The following SLC6A11 variants were observed in gnomAD, a reference collection of about 807,000 sequenced individuals.
The protein encoded by SLC6A11 is solute carrier family 6 member 11.
SLC6A11 carries 25 observed loss-of-function variants against 74.8 expected under a neutral mutation model. That is an observed-to-expected ratio of 0.33 (90% confidence interval 0.24 to 0.47). The LOEUF (loss-of-function observed/expected upper bound fraction) is 0.47, where lower values mean the gene tolerates loss of function less well. SLC6A11 is among the 20% of genes least tolerant of loss of function. The pLI is 1.00. For synonymous variants in SLC6A11, 330 were observed against 330.2 expected (o/e 1.00, Z 0.01); for missense variants, 574 against 837.0 (o/e 0.69, Z 3.88).
chr3:10,921,373 T>C (rs2106630958), intron 8 of SLC6A11, among the ~76,000 whole-genome samples: 1 of 152,322 alleles, frequency 6.6e-6, no homozygotes, highest in Non-Finnish European at 1.5e-5. Context: ...AAGTGGGAAG[T>C]GTCAGATGTG....
chr3:10,930,464 T>C (rs984567479), intron 10 of SLC6A11, among the ~76,000 whole-genome samples: 1 of 152,130 alleles, frequency 6.6e-6, no homozygotes, highest in Non-Finnish European at 1.5e-5. Flanking sequence ...CGCCCAGTCA[T>C]TGTCACATTA....
intron 4 of SLC6A11, among the ~76,000 whole-genome samples, chr3:10,834,352 G>GT (rs138938564): frequency 0.042 from 6,172 of 145,420 alleles, 135 homozygotes; most frequent in East Asian, 0.12. Flanking sequence ...TTTTTTTTTT[G>GT]TTTTTTTTTT....
intron 6 of SLC6A11, among the ~76,000 whole-genome samples, chr3:10,890,974 C>A (rs1017609234): frequency 2.0e-5 from 3 of 152,218 alleles, no homozygotes; most frequent in Non-Finnish European, 4.4e-5. Context: ...TCATGGTGAG[C>A]TGAGGGGTAG....
chr3:10,885,096 C>T (rs967193611), intron 6 of SLC6A11, among the ~76,000 whole-genome samples: 20 of 152,318 alleles, frequency 1.3e-4, no homozygotes, highest in South Asian at 1.2e-3. Flanking sequence ...ACATGGCAGA[C>T]CAAGGGAGCT....
chr3:10,819,143 T>TA (rs1694102553), intron 1 of SLC6A11, among the ~76,000 whole-genome samples: 1 of 152,200 alleles, frequency 6.6e-6, no homozygotes, highest in South Asian at 2.1e-4. Flanking sequence ...GGATGAAATG[T>TA]AAAAAATTTT....
intron 4 of SLC6A11, among the ~76,000 whole-genome samples, chr3:10,831,770 G>C (rs985691701): frequency 1.3e-5 from 2 of 152,240 alleles, no homozygotes; most frequent in Non-Finnish European, 2.9e-5. Context: ...GAACCCTCCT[G>C]TTTGTGTAAC....
intron 4 of SLC6A11, among the ~76,000 whole-genome samples, chr3:10,831,173 A>C (rs1407055823): frequency 1.3e-5 from 2 of 152,148 alleles, no homozygotes; most frequent in Non-Finnish European, 2.9e-5. Flanking sequence ...AATCTGCCTG[A>C]ACTCTCAAGT....
intron 8 of SLC6A11, among the ~76,000 whole-genome samples, chr3:10,919,502 A>G (rs1378854572): frequency 6.6e-6 from 1 of 152,106 alleles, no homozygotes; most frequent in Middle Eastern, 3.2e-3. Context: ...GGGTGTGGCT[A>G]TTTAGGTTTG....
chr3:10,817,625 G>A (rs569350721), intron 1 of SLC6A11, among the ~76,000 whole-genome samples: 1 of 152,362 alleles, frequency 6.6e-6, no homozygotes, highest in East Asian at 1.9e-4. Context: ...TGGCTCAGAA[G>A]TTGGCTGGCA....
intron 9 of SLC6A11, among the ~76,000 whole-genome samples, chr3:10,928,437 C>A (rs1434957126): frequency 6.6e-6 from 1 of 152,136 alleles, no homozygotes; most frequent in Non-Finnish European, 1.5e-5. Context: ...TGCAGATCTG[C>A]CCCCAGTGCC....
At chr3:10,919,742 T>A (rs1695511252) in intron 8 of SLC6A11, among the ~76,000 whole-genome samples, 1 of 152,214 alleles carries the variant, frequency 6.6e-6, no homozygotes, top group South Asian at 2.1e-4. Flanking sequence ...GGGCACCTAT[T>A]CACTGGACAG....
chr3:10,828,764 C>A (rs1471226305), intron 4 of SLC6A11, among the ~76,000 whole-genome samples: 1 of 152,210 alleles, frequency 6.6e-6, no homozygotes, highest in Non-Finnish European at 1.5e-5. Flanking sequence ...ACACCCCAGT[C>A]CCTCTCAACC....
rs939641073 is a variant in SLC6A11, at chr3:10,918,104, C to T, written c.996-225C>T. Among the ~76,000 whole-genome samples, 3 of 152,288 alleles carry T rather than the reference C, an allele frequency of 2.0e-5. No homozygotes were observed. Among genetic ancestry groups the T allele is most frequent in the African/African-American group, 4.8e-5 (2 of 41,550 alleles). On this transcript the variant is annotated intron_variant, in intron 7 of 13. Coordinates refer to ENST00000254488, the MANE Select transcript of SLC6A11 (RefSeq NM_014229.3). This position sits in a 1 kb window ranked among gnomAD's most constrained non-coding sequence, Gnocchi z 4.5. ...CCATGCTGGCTCTATGCTTCTGATT[C>T]GTGACCTACCTTACCTTCTAGAAAT...
intron 13 of SLC6A11, 22 bp from the exon 14 acceptor site, chr3:10,938,228 C>A (rs898265625): frequency 1.9e-6 from 3 of 1,573,802 alleles, no homozygotes; most frequent in Non-Finnish European, 2.6e-6. Flanking sequence ...CTCAGATCTT[C>A]CCCTCCTCTC....
At chr3:10,843,634 G>A (rs980395115) in intron 4 of SLC6A11, among the ~76,000 whole-genome samples, 8 of 152,168 alleles carry the variant, frequency 5.3e-5, no homozygotes, top group African/African-American at 1.9e-4. Context: ...TTTATTTCCT[G>A]CTCAGACTGT....
rs761049580 is a variant in SLC6A11 at position 10,816,565 on chromosome 3, G to A, written c.256+44G>A. 4 of 1,512,816 alleles carry A rather than the reference G, an allele frequency of 2.6e-6. No homozygotes were observed. Among genetic ancestry groups the A allele is most frequent in the Non-Finnish European group, 2.7e-6 (3 of 1,127,506 alleles). 93.7% of individuals were successfully genotyped at this position (1,512,816 alleles called of 1,614,324 possible). A position where few individuals can be genotyped will look rare whatever the true frequency, so the allele number is the denominator to read the frequency against. On this transcript the variant is annotated intron_variant, in intron 1 of 13. Transcript: ENST00000254488. This position sits in a 1 kb window ranked among gnomAD's most constrained non-coding sequence, Gnocchi z 4.2. ...GAAGGGGAGGGGGCGCCAACCGCCC[G>A]GTGGGGGCGGGGAGCCAGGGGCGAG...
intron 12 of SLC6A11, 87 bp downstream of exon 12, chr3:10,934,253 G>C (rs552199224): frequency 7.8e-6 from 7 of 901,586 alleles, no homozygotes; most frequent in South Asian, 1.4e-5. Context: ...CCCCCACCCT[G>C]GCCGAGGCTG....
chr3:10,915,472 T>G lies in SLC6A11; in HGVS notation c.996-2857T>G, dbSNP rs1303018015. Among the ~76,000 whole-genome samples, 4 of 152,194 alleles carry G rather than the reference T, an allele frequency of 2.6e-5. No homozygotes were observed. Among genetic ancestry groups the G allele is most frequent in the African/African-American group, 9.7e-5 (4 of 41,440 alleles). ...ACTCCAGTGGAGTAAATTAGTACCCTCTCTCCTGACAGCATAATAGCTTCT... is the reference window on the plus strand; with the variant it reads ...ACTCCAGTGGAGTAAATTAGTACCCGCTCTCCTGACAGCATAATAGCTTCT... On this transcript the variant is annotated intron_variant, in intron 7 of 13. Transcript: ENST00000254488. This position sits in a 1 kb window ranked among gnomAD's most constrained non-coding sequence, Gnocchi z 4.3.
intron 4 of SLC6A11, among the ~76,000 whole-genome samples, chr3:10,829,910 G>A (rs142174691): frequency 2.0e-5 from 3 of 152,236 alleles, no homozygotes; most frequent in African/African-American, 7.2e-5. Context: ...CTTTCTTAGT[G>A]CATTTTTTTC....
Sources: gnomAD v4.1 joint callset for allele counts (sites outside exome capture counted in the v4.1 genomes callset) on GRCh38, gnomAD v4.1.1 for gene constraint, Gnocchi (gnomAD v3.1) non-coding constraint, MANE v1.5 for transcripts, NCBI Gene and HGNC (gene_info 2026-07-23, HGNC 2026-07-21) for gene names.